Variants in PRKG1 observed in about 807,000 individuals in gnomAD.
PRKG1 encodes the protein cGMP-dependent protein kinase 1.
Under a neutral mutation model 88.1 loss-of-function variants are expected in PRKG1, and 35 were observed. The observed-to-expected ratio is 0.40, with a 90% CI of 0.30 to 0.53. The LOEUF (loss-of-function observed/expected upper bound fraction) is 0.53, where lower values mean the gene tolerates loss of function less well. Ranked by LOEUF, PRKG1 falls within the 20% of genes least tolerant of loss-of-function variation. The pLI, the probability that PRKG1 is intolerant of heterozygous loss-of-function variation, is 0.59. For missense variants in PRKG1, 540 were observed against 839.8 expected (o/e 0.64, Z 4.41); for synonymous variants, 303 against 292.5 (o/e 1.04, Z -0.37).
At chr10:51,813,544 T>G (rs2132627738) in intron 4 of PRKG1, among the ~76,000 whole-genome samples, 1 of 152,310 alleles carries the variant, frequency 6.6e-6, no homozygotes, top group East Asian at 1.9e-4. Flanking sequence ...TAAAGTACTA[T>G]TATAACATCA....
intron 9 of PRKG1, among the ~76,000 whole-genome samples, chr10:52,221,015 C>G (rs1239673393): frequency 6.6e-6 from 1 of 152,090 alleles, no homozygotes; most frequent in Admixed American, 6.6e-5. Flanking sequence ...ACACTCCCAC[C>G]AACAGTGTAT....
At chr10:51,283,757 T>C (rs895356806) in intron 2 of PRKG1, among the ~76,000 whole-genome samples, 2 of 152,162 alleles carry the variant, frequency 1.3e-5, no homozygotes, top group Admixed American at 1.3e-4. Flanking sequence ...TACTTTAAAA[T>C]TGTGTTATAG....
At chr10:51,757,123 G>T (rs1366225468) in intron 3 of PRKG1, among the ~76,000 whole-genome samples, 1 of 151,212 alleles carries the variant, frequency 6.6e-6, no homozygotes, top group East Asian at 1.9e-4. Context: ...TTTTTATTGA[G>T]ACAGGGTCTT....
intron 7 of PRKG1, among the ~76,000 whole-genome samples, chr10:52,078,798 G>C (rs769970035): frequency 3.3e-5 from 5 of 152,186 alleles, no homozygotes; most frequent in Non-Finnish European, 5.9e-5. Flanking sequence ...CCTGAAAAGT[G>C]CTGCTTAACC....
chr10:51,499,629 G>A (rs577213988), intron 3 of PRKG1, among the ~76,000 whole-genome samples: 7 of 152,140 alleles, frequency 4.6e-5, no homozygotes, highest in Admixed American at 6.5e-5. Flanking sequence ...CAATTTCCCC[G>A]TAATATTTTG....
intron 4 of PRKG1, among the ~76,000 whole-genome samples, chr10:51,816,783 A>C (rs1359242898): frequency 1.3e-5 from 2 of 152,202 alleles, no homozygotes; most frequent in Non-Finnish European, 2.9e-5. Flanking sequence ...TAGAGTGCTT[A>C]AAATTATTCA....
intron 1 of PRKG1, among the ~76,000 whole-genome samples, chr10:51,060,890 AT>A (rs1345184099): frequency 2.6e-5 from 4 of 151,678 alleles, no homozygotes; most frequent in Non-Finnish European, 5.9e-5. Context: ...TCGTTGTCAG[AT>A]TTTTTTTCAG....
intron 3 of PRKG1, among the ~76,000 whole-genome samples, chr10:51,564,087 A>T (rs945797061): frequency 6.6e-6 from 1 of 152,086 alleles, no homozygotes; most frequent in Non-Finnish European, 1.5e-5. Context: ...AACTATTTTT[A>T]ATTATATTCT....
chr10:51,364,977 C>T (rs1159920573), intron 2 of PRKG1, among the ~76,000 whole-genome samples: 3 of 151,876 alleles, frequency 2.0e-5, no homozygotes, highest in Non-Finnish European at 4.4e-5. Flanking sequence ...ACTTTAGTAA[C>T]AGTTATAATG....
chr10:51,691,836 C>T (rs987734642), intron 3 of PRKG1, among the ~76,000 whole-genome samples: 9 of 152,116 alleles, frequency 5.9e-5, no homozygotes, highest in Admixed American at 5.2e-4. Context: ...TATCTGTAGG[C>T]TCAATTGGTC....
intron 2 of PRKG1, among the ~76,000 whole-genome samples, chr10:51,350,576 G>A (rs1224166798): frequency 1.3e-5 from 2 of 152,176 alleles, no homozygotes; most frequent in Non-Finnish European, 2.9e-5. Context: ...AAGTCTTAGC[G>A]AGAGAGATCA....
At chr10:51,844,129 G>T (rs1236157339) in intron 4 of PRKG1, among the ~76,000 whole-genome samples, 2 of 152,102 alleles carry the variant, frequency 1.3e-5, no homozygotes, top group East Asian at 3.9e-4. Context: ...TCATTTGACA[G>T]AGGGGAAGAA....
At chr10:51,023,746 A>C (rs1035663581) in intron 1 of PRKG1, among the ~76,000 whole-genome samples, 2 of 152,230 alleles carry the variant, frequency 1.3e-5, no homozygotes, top group African/African-American at 2.4e-5. Flanking sequence ...TTCCATTTGA[A>C]TTTAAGCCAG....
intron 3 of PRKG1, among the ~76,000 whole-genome samples, chr10:51,488,521 A>C (rs1840609366): frequency 6.6e-6 from 1 of 152,138 alleles, no homozygotes; most frequent in Non-Finnish European, 1.5e-5. Flanking sequence ...CAGCACTATA[A>C]ACCAGCTCCG....
intron 7 of PRKG1, among the ~76,000 whole-genome samples, chr10:52,124,908 C>T (rs940033116): frequency 7.2e-5 from 11 of 152,132 alleles, no homozygotes; most frequent in Non-Finnish European, 1.6e-4. Context: ...ACCTCTACGT[C>T]TTGTCCCCTT....
In PRKG1 at chr10:52,078,640, T is replaced by G. The variant is rs138481963; in HGVS notation, c.935+16009T>G. 2.6e-3 allele frequency among the ~76,000 whole-genome samples: 401 copies of G among 152,340 alleles called. 1 individual carries two copies. The highest frequency in any genetic ancestry group is 9.0e-3 in the African/African-American group (376 of 41,578). Reference sequence around the variant, plus strand: ...TATTTTTATTGCTTCTCATTTTAACTGCTATTCTTATTCAAAGGAAGACTG... The same window carrying G: ...TATTTTTATTGCTTCTCATTTTAACGGCTATTCTTATTCAAAGGAAGACTG... On this transcript the variant is annotated intron_variant, in intron 7 of 17. Transcript: ENST00000373980.
intron 6 of PRKG1, among the ~76,000 whole-genome samples, chr10:52,058,398 G>A (rs1269192118): frequency 6.6e-6 from 1 of 152,006 alleles, no homozygotes; most frequent in Admixed American, 6.6e-5. Flanking sequence ...AAATGATGCA[G>A]TGAAAGGGTG....
intron 2 of PRKG1, among the ~76,000 whole-genome samples, chr10:51,169,848 G>A (rs1055364844): frequency 2.6e-5 from 4 of 152,076 alleles, no homozygotes; most frequent in East Asian, 1.9e-4. Context: ...TGTCTGGCAC[G>A]TAGGAGTGGC....
chr10:51,936,062 T>C (rs1335463286), intron 5 of PRKG1, among the ~76,000 whole-genome samples: 6 of 152,022 alleles, frequency 3.9e-5, no homozygotes, highest in African/African-American at 1.4e-4. Flanking sequence ...GCAATATTTG[T>C]TCAAGGAAAC....
Sources: gnomAD v4.1 joint callset for allele counts (sites outside exome capture counted in the v4.1 genomes callset) on GRCh38, gnomAD v4.1.1 for gene constraint, MANE v1.5 for transcripts, NCBI Gene and HGNC (gene_info 2026-07-23, HGNC 2026-07-21) for gene names.